MARCHF10: variants seen among roughly 807,000 people sequenced by gnomAD.
The protein encoded by MARCHF10 is probable E3 ubiquitin-protein ligase MARCHF10.
Under a neutral mutation model 76.2 loss-of-function variants are expected in MARCHF10, and 64 were observed. That is an observed-to-expected ratio of 0.84 (90% confidence interval 0.69 to 1.03). The LOEUF (loss-of-function observed/expected upper bound fraction) is 1.03, where lower values mean the gene tolerates loss of function less well. Among genes scored for constraint, MARCHF10 ranks in the 50% least tolerant of loss-of-function variants. The pLI is 0.00. For missense variants in MARCHF10, 875 were observed against 958.0 expected (o/e 0.91, Z 1.14); for synonymous variants, 340 against 357.5 (o/e 0.95, Z 0.55).
chr17:62,742,016 C>CT (rs2091529929), intron 5 of MARCHF10, among the ~76,000 whole-genome samples: 2 of 69,382 alleles, frequency 2.9e-5, no homozygotes, highest in Non-Finnish European at 4.9e-5. Context: ...GTTTTTTTTT[C>CT]TTTTTTTCTT....
At chr17:62,747,839 C>A (rs2091759736) in intron 4 of MARCHF10, among the ~76,000 whole-genome samples, 1 of 152,156 alleles carries the variant, frequency 6.6e-6, no homozygotes, top group Admixed American at 6.6e-5. Context: ...CAAATAGCAA[C>A]TCTTTATATT....
At chr17:62,791,324 T>C (rs967662229) in intron 2 of MARCHF10, among the ~76,000 whole-genome samples, 2 of 152,170 alleles carry the variant, frequency 1.3e-5, no homozygotes, top group African/African-American at 4.8e-5. Context: ...CCTAACCTAC[T>C]GGTATTAAAG....
intron 6 of MARCHF10, among the ~76,000 whole-genome samples, chr17:62,732,992 CAAAAAAA>C (rs398041783): frequency 1.5e-5 from 1 of 66,550 alleles, no homozygotes; most frequent in Admixed American, 1.8e-4. Context: ...GACTCAGTCT[CAAAAAAA>C]AAAAAAAAAA....
At chr17:62,760,591 C>T (rs1332146985) in intron 3 of MARCHF10, among the ~76,000 whole-genome samples, 1 of 152,218 alleles carries the variant, frequency 6.6e-6, no homozygotes, top group Non-Finnish European at 1.5e-5. Flanking sequence ...ATGATTCCTG[C>T]TGTGTCAGAA....
At chr17:62,743,636 C>G (rs1262946850) in intron 5 of MARCHF10, among the ~76,000 whole-genome samples, 2 of 152,056 alleles carry the variant, frequency 1.3e-5, no homozygotes, top group Admixed American at 6.5e-5. Context: ...GAGGGAGACT[C>G]TACCTCAAAA....
In MARCHF10 at chr17:62,701,582, C is replaced by CT; in HGVS notation, c.*120dup. 6.3e-7 allele frequency: 1 copy of CT among 1,588,450 alleles called. No individual in the cohort carries two copies. Among genetic ancestry groups the CT allele is most frequent in the South Asian group, 1.1e-5 (1 of 89,338 alleles). ...AAAGAGAGTGGCACGAGGTGAAAATCTAACTGTGAACGCTTTGGTTTCAGT... is the reference window on the plus strand; with the variant it reads ...AAAGAGAGTGGCACGAGGTGAAAATCTTAACTGTGAACGCTTTGGTTTCAGT... On this transcript the variant is annotated 3_prime_UTR_variant, in exon 11 of 11. Transcript: ENST00000311269.
In MARCHF10 at chr17:62,737,337, A is replaced by G; in HGVS notation, c.536-5T>C. 6.2e-7 allele frequency: 1 copy of G among 1,602,200 alleles called. No individual in the cohort carries two copies. The highest frequency in any genetic ancestry group is 8.5e-7 in the Non-Finnish European group (1 of 1,177,494). ...CTTCTTGTTGAACTACTTGATCTGC[A>G]TTGAGAAAAGACACATTTATCGTTC... is the stretch of plus-strand genomic sequence containing the variant. On this transcript the variant is annotated splice_region_variant and splice_polypyrimidine_tract_variant and intron_variant, in intron 5 of 10. Coordinates refer to ENST00000311269, the MANE Select transcript of MARCHF10 (RefSeq NM_152598.4).
chr17:62,795,277 C>T (rs1484961252), intron 2 of MARCHF10, among the ~76,000 whole-genome samples: 1 of 148,238 alleles, frequency 6.7e-6, no homozygotes, highest in Non-Finnish European at 1.5e-5. Context: ...CTCTGAAATG[C>T]CAAGTGTAAT....
intron 6 of MARCHF10, among the ~76,000 whole-genome samples, chr17:62,726,834 G>C (rs1418136779): frequency 2.0e-5 from 3 of 151,960 alleles, no homozygotes; most frequent in African/African-American, 7.3e-5. Flanking sequence ...TCACCATGTT[G>C]GCCAGGCTGG....
intron 5 of MARCHF10, among the ~76,000 whole-genome samples, chr17:62,739,946 C>G (rs568417102): frequency 1.3e-5 from 2 of 152,032 alleles, no homozygotes; most frequent in African/African-American, 2.4e-5. Context: ...CCAGGGTATG[C>G]GCGGTGTTGC....
Position 62,736,563 on chromosome 17 carries a change from A to G in MARCHF10, c.1305T>C (p.Asp435=), listed in dbSNP as rs1358897993. 1.2e-6 allele frequency: 2 copies of G among 1,614,218 alleles called. No individual in the cohort carries two copies. Among genetic ancestry groups the G allele is most frequent in the Non-Finnish European group, 1.7e-6 (2 of 1,180,044 alleles). Residue 435 remains aspartate, a synonymous_variant, in exon 6 of 11, where the codon GAT becomes GAC. Coordinates refer to ENST00000311269, the MANE Select transcript of MARCHF10 (RefSeq NM_152598.4). ...ISVEHRPGTH[D]SEGYWKDYLN... Reference sequence around the variant, plus strand: ...AATAGTCTTTCCAGTATCCTTCAGAATCATGGGTGCCAGGCCTATGTTCCA... The same window carrying G: ...AATAGTCTTTCCAGTATCCTTCAGAGTCATGGGTGCCAGGCCTATGTTCCA...
At chr17:62,742,274 C>A (rs575570088) in intron 5 of MARCHF10, among the ~76,000 whole-genome samples, 13 of 152,248 alleles carry the variant, frequency 8.5e-5, no homozygotes, top group Non-Finnish European at 1.6e-4. Flanking sequence ...CCCACCTCAG[C>A]CTCCCAAAGT....
At chr17:62,703,642 A>C (rs2089383269) in intron 10 of MARCHF10, among the ~76,000 whole-genome samples, 1 of 152,176 alleles carries the variant, frequency 6.6e-6, no homozygotes, top group South Asian at 2.1e-4. Flanking sequence ...CGAGAGCGGC[A>C]GGGGAGGGTT....
At chr17:62,753,231 C>A (rs1022834006) in intron 4 of MARCHF10, among the ~76,000 whole-genome samples, 3 of 152,010 alleles carry the variant, frequency 2.0e-5, no homozygotes, top group Non-Finnish European at 4.4e-5. Context: ...CTCAGTCTCC[C>A]GAGTAGATGA....
chr17:62,756,921 C>T (rs567546717), intron 4 of MARCHF10, among the ~76,000 whole-genome samples: 18 of 152,334 alleles, frequency 1.2e-4, no homozygotes, highest in East Asian at 7.7e-4. Flanking sequence ...TTAATTTAAA[C>T]GTGTGAATTC....
chr17:62,736,344 A>G lies in MARCHF10; in HGVS notation c.1524T>C (p.His508=), dbSNP rs776226273. 22 of 1,614,122 alleles carry G rather than the reference A, an allele frequency of 1.4e-5. No individual in the cohort carries two copies. Among genetic ancestry groups the G allele is most frequent in the Admixed American group, 8.3e-5 (5 of 60,012 alleles). Residue 508 remains histidine (H), a synonymous_variant, in exon 6 of 11, where the codon CAT becomes CAC. Transcript: ENST00000311269. ...TAATGGGAGACAGTGGTTGGCAAAC[A>G]TGAAACCCTGAGTTTCCCTCTGAGT... is the stretch of plus-strand genomic sequence containing the variant. The part of the protein sequence containing the change: ...SSDSEGNSGF[H]VCQPLSPIRN...
At chr17:62,770,543 CT>C (rs35664995) in intron 3 of MARCHF10, among the ~76,000 whole-genome samples, 297 of 136,484 alleles carry the variant, frequency 2.2e-3, no homozygotes, top group African/African-American at 6.3e-3. Context: ...TGTATTTTGA[CT>C]TTTTTTTTTT....
At chr17:62,764,387 G>A (rs11655826) in intron 3 of MARCHF10, among the ~76,000 whole-genome samples, 4,493 of 152,318 alleles carry the variant, frequency 0.029, 80 homozygotes, top group Middle Eastern at 0.048. Flanking sequence ...TCACGTGATG[G>A]AGGCTGAGCT....
At chr17:62,776,679 T>C (rs1227572782) in intron 3 of MARCHF10, among the ~76,000 whole-genome samples, 1 of 152,130 alleles carries the variant, frequency 6.6e-6, no homozygotes, top group East Asian at 1.9e-4. Flanking sequence ...ATAAAAGAAA[T>C]AGCCAGTTCA....
Sources: gnomAD v4.1 joint callset for allele counts (sites outside exome capture counted in the v4.1 genomes callset) on GRCh38, gnomAD v4.1.1 for gene constraint, MANE v1.5 for transcripts, NCBI Gene and HGNC (gene_info 2026-07-23, HGNC 2026-07-21) for gene names.